ABHD16A: variants seen among roughly 807,000 people sequenced by gnomAD.
The protein encoded by ABHD16A is abhydrolase domain containing 16A, phospholipase.
Under a neutral mutation model 89.8 loss-of-function variants are expected in ABHD16A, and 47 were observed. That is an observed-to-expected ratio of 0.52 (90% CI 0.41 to 0.67). The LOEUF (loss-of-function observed/expected upper bound fraction) is 0.67, where lower values mean the gene tolerates loss of function less well. ABHD16A is among the 30% of genes least tolerant of loss of function. The pLI is 0.00. For missense variants in ABHD16A, 580 were observed against 734.6 expected (o/e 0.79, Z 2.43); for synonymous variants, 251 against 280.4 (o/e 0.90, Z 1.05).
In ABHD16A at chr6:31,700,420, G is replaced by A. The variant is rs568373938; in HGVS notation, c.343+522C>T. Among the ~76,000 whole-genome samples the A allele has an allele frequency of 6.6e-5, 10 of 152,168 alleles. No individual in the cohort carries two copies. In the South Asian group the frequency reaches 1.7e-3, roughly 25 times the overall value. On this transcript the variant is annotated intron_variant, in intron 4 of 19. Transcript: ENST00000395952. ...ATTACAGGCATGAGCCACCACACCCGGCCACACAGAACATATTTTATCCAT... is the reference window on the plus strand; with the variant it reads ...ATTACAGGCATGAGCCACCACACCCAGCCACACAGAACATATTTTATCCAT...
chr6:31,696,287 T>C (rs1562111347), intron 5 of ABHD16A, among the ~76,000 whole-genome samples: 1 of 150,762 alleles, frequency 6.6e-6, no homozygotes, highest in African/African-American at 2.4e-5. Flanking sequence ...ACTGAGATTG[T>C]ACCACTATAC....
rs1223464958 is a variant in ABHD16A at position 31,688,440 on chromosome 6, AG to A, written c.1251-136del. ...CAGCCCTTGACCTAGCCCTTCACTC[AG>A]GGGTGAGAGGGGATTATTTAAGGGG... On this transcript the variant is annotated intron_variant, in intron 14 of 19. Coordinates refer to ENST00000395952, the MANE Select transcript of ABHD16A (RefSeq NM_021160.3). The surrounding 1 kb of genome is among the most constrained non-coding windows in gnomAD (Gnocchi z 4.9). The A allele has an allele frequency of 2.0e-5, 18 of 911,456 alleles. No homozygotes were observed. In the Admixed American group the frequency reaches 3.3e-4, roughly 17 times the overall value. 56.5% of individuals were successfully genotyped at this position (911,456 alleles called of 1,614,324 possible).
intron 4 of ABHD16A, among the ~76,000 whole-genome samples, chr6:31,699,301 CG>C (rs1804677980): frequency 6.8e-6 from 1 of 147,124 alleles, no homozygotes; most frequent in Non-Finnish European, 1.5e-5. Flanking sequence ...CCCAGCTACT[CG>C]GGAGGCTGAA....
intron 1 of ABHD16A, chr6:31,702,583 A>C (rs1805121908): frequency 7.0e-7 from 1 of 1,425,418 alleles, no homozygotes; most frequent in African/African-American, 1.5e-5. Context: ...CAACTGATAA[A>C]AAGGAAGAGA....
chr6:31,692,191 A>C (rs999277010), intron 7 of ABHD16A: 1 of 401,068 alleles, frequency 2.5e-6, no homozygotes, highest in African/African-American at 2.0e-5. Context: ...TTTATGATGT[A>C]ACTGTCTATA....
chr6:31,691,097 T>C (rs1406810953), intron 9 of ABHD16A, among the ~76,000 whole-genome samples: 1 of 152,106 alleles, frequency 6.6e-6, no homozygotes, highest in Non-Finnish European at 1.5e-5. Context: ...CCCAGCTCCC[T>C]AGACTCCTGG....
Position 31,698,810 on chromosome 6 carries a change from A to G in ABHD16A, c.344-1777T>C, listed in dbSNP as rs1381074068. On this transcript the variant is annotated intron_variant, in intron 4 of 19. Transcript: ENST00000395952. This position sits in a 1 kb window ranked among gnomAD's most constrained non-coding sequence, Gnocchi z 4.1. ...TCAGGGGGCAGAACACCTCAGGCAG[A>G]AGGTCCTGGACCCAACTGCGACCAT... Among the ~76,000 whole-genome samples, 2 of 152,098 alleles carry G rather than the reference A, an allele frequency of 1.3e-5. No individual in the cohort carries two copies. The highest frequency in any genetic ancestry group is 2.9e-5 in the Non-Finnish European group (2 of 68,024).
intron 11 of ABHD16A, among the ~76,000 whole-genome samples, 178 bp downstream of exon 11, chr6:31,689,900 C>T (rs1271978744): frequency 1.3e-5 from 2 of 152,206 alleles, no homozygotes; most frequent in African/African-American, 4.8e-5. Context: ...CTGCTAGCCC[C>T]GCACTGTGGG....
Position 31,693,980 on chromosome 6 carries a change from A to G in ABHD16A, c.430-548T>C, listed in dbSNP as rs1204686212. The stretch of plus-strand genomic sequence containing the variant: ...TCCTCACAACTACATCCCTTCCTCA[A>G]CTCCTGCAGCCATGGATCAGTGTTG... On this transcript the variant is annotated intron_variant, in intron 5 of 19. Transcript: ENST00000395952. This position sits in a 1 kb window ranked among gnomAD's most constrained non-coding sequence, Gnocchi z 5.0. 6.7e-6 allele frequency among the ~76,000 whole-genome samples: 1 copy of G among 148,588 alleles called. No homozygotes were observed. The highest frequency in any genetic ancestry group is 1.5e-5 in the Non-Finnish European group (1 of 67,134).
Position 31,691,671 on chromosome 6 carries a change from G to A in ABHD16A, c.751C>T (p.Arg251Cys), listed in dbSNP as rs1233885128. 4.7e-6 allele frequency: 7 copies of A among 1,497,726 alleles called. No homozygotes were observed. The highest frequency in any genetic ancestry group is 2.8e-5 in the East Asian group (1 of 35,254). 92.8% of individuals were successfully genotyped at this position (1,497,726 alleles called of 1,614,324 possible). A position where few individuals can be genotyped will look rare whatever the true frequency, so the allele number is the denominator to read the frequency against. The change falls in exon 9 of 20, where the codon CGC becomes TGC. Residue 251 changes from arginine (R) to cysteine (C), a missense_variant. Arg to Cys is a radical substitution (Grantham distance 180, BLOSUM62 -3). This residue lies in a region of ABHD16A where 415 missense variants were observed against 568.8 expected (regional missense o/e 0.73). Coordinates refer to ENST00000395952, the MANE Select transcript of ABHD16A (RefSeq NM_021160.3). Reference protein sequence around the residue: ...QARLVEECNGRRAKLLACDGN... With the variant: ...QARLVEECNGCRAKLLACDGN... Reference sequence around the variant, plus strand: ...TCACAGGCCAGCAGCTTTGCCCGGCGCCCATTACACTGAGTACGGAAGACG... The same window carrying A: ...TCACAGGCCAGCAGCTTTGCCCGGCACCCATTACACTGAGTACGGAAGACG...
At chr6:31,701,243 G>C (rs375602634) in intron 3 of ABHD16A, 31 bp downstream of exon 3, 2 of 1,595,902 alleles carry the variant, frequency 1.3e-6, no homozygotes, top group Non-Finnish European at 1.7e-6. Context: ...CTGCCCATTT[G>C]CTACCCCACC....
chr6:31,702,501 A>G (rs1805111869), intron 1 of ABHD16A: 3 of 1,048,890 alleles, frequency 2.9e-6, no homozygotes, highest in Non-Finnish European at 4.0e-6. Context: ...AGCATCAGAA[A>G]TAAGAGTAGT....
rs939532361 is a variant in ABHD16A, at chr6:31,698,189, T to C, written c.344-1156A>G. On this transcript the variant is annotated intron_variant, in intron 4 of 19. Coordinates refer to ENST00000395952, the MANE Select transcript of ABHD16A (RefSeq NM_021160.3). This position sits in a 1 kb window ranked among gnomAD's most constrained non-coding sequence, Gnocchi z 4.1. ...AAAACTCTGAAATTAGAATTCATTTTACAATTGATGGCAGCTTAGACTTGA... is the reference window on the plus strand; with the variant it reads ...AAAACTCTGAAATTAGAATTCATTTCACAATTGATGGCAGCTTAGACTTGA... Among the ~76,000 whole-genome samples the C allele has an allele frequency of 4.6e-5, 7 of 152,036 alleles. No homozygotes were observed. Among genetic ancestry groups the C allele is most frequent in the Admixed American group, 1.3e-4 (2 of 15,272 alleles).
At position 31,690,670 on chromosome 6, in the gene ABHD16A, G is replaced by A; in HGVS notation, c.844-68C>T. ...GACTGAAAAACTCCCTTTGGGCAGG[G>A]AGGGCAGCCCATGAAGAGCTTTGCA... is the stretch of plus-strand genomic sequence containing the variant. On this transcript the variant is annotated intron_variant, in intron 9 of 19. Coordinates refer to ENST00000395952, the MANE Select transcript of ABHD16A (RefSeq NM_021160.3). This position sits in a 1 kb window ranked among gnomAD's most constrained non-coding sequence, Gnocchi z 4.1. 7.0e-7 allele frequency: 1 copy of A among 1,436,088 alleles called. No homozygotes were observed. The highest frequency in any genetic ancestry group is 1.1e-5 in the South Asian group (1 of 87,442). 89.0% of individuals were successfully genotyped at this position (1,436,088 alleles called of 1,614,324 possible). A position where few individuals can be genotyped will look rare whatever the true frequency, so the allele number is the denominator to read the frequency against.
intron 1 of ABHD16A, chr6:31,702,869 G>T: frequency 7.4e-7 from 1 of 1,357,584 alleles, no homozygotes; most frequent in South Asian, 1.9e-5. Context: ...ACTCAACTGG[G>T]ACCGGCACGA....
rs1025706511 is a variant in ABHD16A, at chr6:31,698,431, C to T, written c.344-1398G>A. Among the ~76,000 whole-genome samples, 5 of 151,678 alleles carry T rather than the reference C, an allele frequency of 3.3e-5. No individual in the cohort carries two copies. The highest frequency in any genetic ancestry group is 1.2e-4 in the African/African-American group (5 of 41,318). The stretch of plus-strand genomic sequence containing the variant: ...ATAAAAAAAAAATCACAAAACTATA[C>T]ATCAAAAAATTTAAAAAGGCTTTTA... On this transcript the variant is annotated intron_variant, in intron 4 of 19. Transcript: ENST00000395952. The surrounding 1 kb of genome is among the most constrained non-coding windows in gnomAD (Gnocchi z 4.1).
intron 4 of ABHD16A, among the ~76,000 whole-genome samples, chr6:31,699,696 C>T (rs1308145330): frequency 6.6e-6 from 1 of 151,946 alleles, no homozygotes; most frequent in East Asian, 1.9e-4. Flanking sequence ...CCTTAGCCTC[C>T]CAAGCAGTTA....
intron 5 of ABHD16A, among the ~76,000 whole-genome samples, chr6:31,695,760 G>C (rs1010290342): frequency 3.3e-5 from 5 of 152,076 alleles, no homozygotes; most frequent in Non-Finnish European, 5.9e-5. Flanking sequence ...GCCAGGCACA[G>C]TGGCTCACAC....
intron 5 of ABHD16A, among the ~76,000 whole-genome samples, chr6:31,695,172 A>G (rs971488818): frequency 1.3e-5 from 2 of 152,150 alleles, no homozygotes; most frequent in Admixed American, 6.6e-5. Flanking sequence ...CCATAACAGA[A>G]AAGAGCTCTA....
Sources: gnomAD v4.1 joint callset for allele counts (sites outside exome capture counted in the v4.1 genomes callset) on GRCh38, gnomAD v4.1.1 for gene constraint, gnomAD v4.1.1 regional missense constraint, Gnocchi (gnomAD v3.1) non-coding constraint, MANE v1.5 for transcripts, NCBI Gene and HGNC (gene_info 2026-07-23, HGNC 2026-07-21) for gene names.